Variants in DCAF5 observed in about 807,000 individuals in gnomAD.
The protein encoded by DCAF5 is DDB1- and CUL4-associated factor 5.
Under a neutral mutation model 80.7 loss-of-function variants are expected in DCAF5, and 9 were observed. The observed-to-expected ratio is 0.11, with a 90% CI of 0.07 to 0.19. The LOEUF (loss-of-function observed/expected upper bound fraction) is 0.19, where lower values mean the gene tolerates loss of function less well. DCAF5 is among the 10% of genes least tolerant of loss of function. The pLI, the probability that DCAF5 is intolerant of heterozygous loss-of-function variation, is 1.00. For synonymous variants in DCAF5, 433 were observed against 461.9 expected (o/e 0.94, Z 0.80); for missense variants, 842 against 1,205.7 (o/e 0.70, Z 4.47).
chr14:69,078,505 A>C (rs2038980518), intron 6 of DCAF5, among the ~76,000 whole-genome samples: 1 of 152,270 alleles, frequency 6.6e-6, no homozygotes, highest in Non-Finnish European at 1.5e-5. Flanking sequence ...ACCTATGTTC[A>C]TAACAGCACT....
rs537305050 is a variant in DCAF5, at chr14:69,144,911, C to T, written c.214+7854G>A. On this transcript the variant is annotated intron_variant, in intron 1 of 8. Transcript: ENST00000341516. ...CAAGTCACTTGTCTAGATCTCAGCT[C>T]CCTTTCCTGTAAAATGAAAATCCTT... is the stretch of plus-strand genomic sequence containing the variant. Among the ~76,000 whole-genome samples, 441 of 152,266 alleles carry T rather than the reference C, an allele frequency of 2.9e-3. 1 individual carries two copies. Among genetic ancestry groups the T allele is most frequent in the Non-Finnish European group, 4.8e-3 (324 of 68,016 alleles).
At position 69,152,752 on chromosome 14, in the gene DCAF5, G is replaced by T; in HGVS notation, c.214+13C>A. 1 of 1,610,058 alleles carries T rather than the reference G, an allele frequency of 6.2e-7. No homozygotes were observed. The highest frequency in any genetic ancestry group is 8.5e-7 in the Non-Finnish European group (1 of 1,178,146). On this transcript the variant is annotated intron_variant, in intron 1 of 8. Transcript: ENST00000341516. This position sits in a 1 kb window ranked among gnomAD's most constrained non-coding sequence, Gnocchi z 4.1. Reference sequence around the variant, plus strand: ...TGCGGGGAGGCGCGGGGAGGGGAAGGGGGTTGATTTACCTGAGACCAGCCA... The same window carrying T: ...TGCGGGGAGGCGCGGGGAGGGGAAGTGGGTTGATTTACCTGAGACCAGCCA...
intron 8 of DCAF5, among the ~76,000 whole-genome samples, chr14:69,058,547 T>TAC (rs927728737): frequency 6.7e-6 from 1 of 148,788 alleles, no homozygotes; most frequent in Non-Finnish European, 1.5e-5. Flanking sequence ...CATATATATA[T>TAC]ATATGGCTAG....
chr14:69,111,805 C>G lies in DCAF5; in HGVS notation c.665+4561G>C, dbSNP rs150906228. ...ACCTTGTCAGAACATGCAATGTACA[C>G]TTGTAAGTGTGAAATGTTTTTTTAT... On this transcript the variant is annotated intron_variant, in intron 5 of 8. Coordinates refer to ENST00000341516, the MANE Select transcript of DCAF5 (RefSeq NM_003861.3). Among the ~76,000 whole-genome samples the G allele has an allele frequency of 2.1e-3, 319 of 152,286 alleles. 2 individuals carry two copies. Among genetic ancestry groups the G allele is most frequent in the African/African-American group, 7.4e-3 (309 of 41,556 alleles).
intron 7 of DCAF5, among the ~76,000 whole-genome samples, chr14:69,073,533 C>T (rs1016794247): frequency 4.6e-5 from 7 of 151,968 alleles, no homozygotes; most frequent in African/African-American, 1.7e-4. Flanking sequence ...CATGCCTATA[C>T]GCCCAGCACT....
intron 5 of DCAF5, among the ~76,000 whole-genome samples, chr14:69,108,129 A>G (rs2040227700): frequency 6.6e-6 from 1 of 152,372 alleles, no homozygotes; most frequent in South Asian, 2.1e-4. Context: ...GCCACAGATC[A>G]TAAGTACTTT....
At chr14:69,129,379 C>T (rs966424740) in intron 1 of DCAF5, among the ~76,000 whole-genome samples, 2 of 152,120 alleles carry the variant, frequency 1.3e-5, no homozygotes, top group Non-Finnish European at 2.9e-5. Flanking sequence ...TTCAAGTATG[C>T]GTTGGCAGAA....
chr14:69,067,181 A>T (rs571716809), intron 7 of DCAF5, among the ~76,000 whole-genome samples: 10 of 152,128 alleles, frequency 6.6e-5, no homozygotes, highest in African/African-American at 2.4e-4. Context: ...TGCCTAGCAC[A>T]TAGTAAGGTT....
intron 5 of DCAF5, among the ~76,000 whole-genome samples, chr14:69,097,737 C>T (rs2039780786): frequency 6.6e-6 from 1 of 151,928 alleles, no homozygotes; most frequent in Non-Finnish European, 1.5e-5. Context: ...CAGGCGGGCA[C>T]CACTATGCCT....
chr14:69,125,643 ACC>A (rs2140079197), intron 1 of DCAF5, among the ~76,000 whole-genome samples: 1 of 152,324 alleles, frequency 6.6e-6, no homozygotes, highest in East Asian at 1.9e-4. Context: ...TATCAAGAAA[ACC>A]TATATACAAC....
In DCAF5 at chr14:69,150,921, C is replaced by G. The variant is rs73279000; in HGVS notation, c.214+1844G>C. On this transcript the variant is annotated intron_variant, in intron 1 of 8. Transcript: ENST00000341516. ...AATAAATACGTAAATAAAGGTGTGT[C>G]AAGCTGGGCAACGTGTGACTACTTA... 7.0e-3 allele frequency among the ~76,000 whole-genome samples: 1,059 copies of G among 152,122 alleles called. 16 individuals are homozygous for G. The highest frequency in any genetic ancestry group is 0.024 in the African/African-American group (1,016 of 41,474).
In DCAF5 at chr14:69,118,335, G is replaced by A; in HGVS notation, c.396-57C>T. On this transcript the variant is annotated intron_variant, in intron 3 of 8. Coordinates refer to ENST00000341516, the MANE Select transcript of DCAF5 (RefSeq NM_003861.3). This position sits in a 1 kb window ranked among gnomAD's most constrained non-coding sequence, Gnocchi z 4.0. Reference sequence around the variant, plus strand: ...CACATACACACAAGCATAGTGCAGAGTCCCAGCACTTTGGTACCGAGGGTG... The same window carrying A: ...CACATACACACAAGCATAGTGCAGAATCCCAGCACTTTGGTACCGAGGGTG... 2.6e-6 allele frequency: 4 copies of A among 1,529,392 alleles called. No homozygotes were observed. In the Middle Eastern group the frequency reaches 5.3e-4, roughly 202 times the overall value. 94.7% of individuals were successfully genotyped at this position (1,529,392 alleles called of 1,614,324 possible).
intron 5 of DCAF5, among the ~76,000 whole-genome samples, chr14:69,112,738 T>C (rs188206921): frequency 1.3e-5 from 2 of 152,290 alleles, no homozygotes; most frequent in East Asian, 3.9e-4. Context: ...TAATTATTCA[T>C]ATGATGGTCA....
intron 1 of DCAF5, among the ~76,000 whole-genome samples, chr14:69,128,869 G>A (rs933052820): frequency 6.6e-6 from 1 of 151,968 alleles, no homozygotes; most frequent in South Asian, 2.1e-4. Context: ...CGTAATCCCA[G>A]TACTTTGAAA....
chr14:69,057,687 G>C (rs1049010957), intron 8 of DCAF5, among the ~76,000 whole-genome samples: 1 of 152,146 alleles, frequency 6.6e-6, no homozygotes, highest in Admixed American at 6.5e-5. Flanking sequence ...CTGGAGTAAT[G>C]GAGTGAAACA....
intron 1 of DCAF5, among the ~76,000 whole-genome samples, chr14:69,137,772 G>A (rs914935281): frequency 6.6e-6 from 1 of 152,144 alleles, no homozygotes; most frequent in Non-Finnish European, 1.5e-5. Flanking sequence ...ACCAGGGTCC[G>A]AAAATATTAC....
chr14:69,124,931 G>A (rs556377935), intron 1 of DCAF5, among the ~76,000 whole-genome samples: 1 of 152,128 alleles, frequency 6.6e-6, no homozygotes, highest in South Asian at 2.1e-4. Flanking sequence ...TTAAAAGAGA[G>A]GCACACGTTT....
rs1335847154 is a variant in DCAF5, at chr14:69,052,504, T to C, written c.*1353A>G. 2 of 152,668 alleles carry C rather than the reference T, an allele frequency of 1.3e-5. No homozygotes were observed. Among genetic ancestry groups the C allele is most frequent in the Non-Finnish European group, 2.9e-5 (2 of 68,044 alleles). 9.5% of individuals were successfully genotyped at this position (152,668 alleles called of 1,614,324 possible). A position where few individuals can be genotyped will look rare whatever the true frequency, so the allele number is the denominator to read the frequency against. Reference sequence around the variant, plus strand: ...TCATAACATTTATGCCAACAAGATATCTGGTCATTCCCAGACCTTCCTGTT... The same window carrying C: ...TCATAACATTTATGCCAACAAGATACCTGGTCATTCCCAGACCTTCCTGTT... On this transcript the variant is annotated 3_prime_UTR_variant, in exon 9 of 9. Transcript: ENST00000341516.
chr14:69,143,253 A>G (rs747034308), intron 1 of DCAF5, among the ~76,000 whole-genome samples: 9 of 152,244 alleles, frequency 5.9e-5, no homozygotes, highest in Non-Finnish European at 1.3e-4. Context: ...AGGAGAAAAA[A>G]AATCAGATCC....
Sources: allele counts gnomAD v4.1 joint callset (sites outside exome capture counted in the v4.1 genomes callset), GRCh38; gene constraint gnomAD v4.1.1; non-coding constraint Gnocchi (gnomAD v3.1); transcripts MANE v1.5; gene names NCBI Gene and HGNC (gene_info 2026-07-23, HGNC 2026-07-21).